CSMD1: variants seen among roughly 807,000 people sequenced by gnomAD.
CSMD1 encodes CUB and Sushi multiple domains 1.
CSMD1 carries 213 observed loss-of-function variants against 417.5 expected under a neutral mutation model. The ratio of observed to expected loss-of-function variants is 0.51; its 90% CI spans 0.46 to 0.57. The LOEUF (loss-of-function observed/expected upper bound fraction) is 0.57. CSMD1 is among the 20% of genes least tolerant of loss of function. The pLI, the probability that CSMD1 is intolerant of heterozygous loss-of-function variation, is 0.00. For missense variants in CSMD1, 6,923 were observed against 4,529.7 expected (o/e 1.53, Z -15.17); for synonymous variants, 2,862 against 1,736.8 (o/e 1.65, Z -16.11).
At chr8:4,104,810 T>A (rs1801486298) in intron 3 of CSMD1, among the ~76,000 whole-genome samples, 1 of 152,046 alleles carries the variant, frequency 6.6e-6, no homozygotes, top group Non-Finnish European at 1.5e-5. Flanking sequence ...TTACGAAGAG[T>A]GTCTTTAAAT....
chr8:4,252,764 A>C (rs1421877544), intron 3 of CSMD1, among the ~76,000 whole-genome samples: 4 of 152,222 alleles, frequency 2.6e-5, no homozygotes, highest in African/African-American at 4.8e-5. Context: ...CTGCAGTGGC[A>C]GACATACACC....
intron 3 of CSMD1, among the ~76,000 whole-genome samples, chr8:4,060,563 G>T (rs1270828748): frequency 2.0e-5 from 3 of 152,120 alleles, no homozygotes; most frequent in Non-Finnish European, 2.9e-5. Context: ...TTAACAGTGC[G>T]AATGAGTTCC....
At chr8:3,479,165 C>G (rs2117234467) in intron 11 of CSMD1, among the ~76,000 whole-genome samples, 1 of 152,262 alleles carries the variant, frequency 6.6e-6, no homozygotes, top group South Asian at 2.1e-4. Context: ...TCATTGGAAC[C>G]TCCTCCCCAG....
At chr8:4,406,670 C>G (rs1201427584) in intron 3 of CSMD1, among the ~76,000 whole-genome samples, 2 of 152,098 alleles carry the variant, frequency 1.3e-5, no homozygotes, top group Non-Finnish European at 2.9e-5. Flanking sequence ...CCTGGCCATG[C>G]CTTACACAAA....
At chr8:2,944,091 T>C (rs1005702608) in intron 68 of CSMD1, among the ~76,000 whole-genome samples, 4 of 152,176 alleles carry the variant, frequency 2.6e-5, no homozygotes, top group African/African-American at 9.7e-5. Flanking sequence ...TTTGGAGCAA[T>C]GTTGGCTTTT....
chr8:3,268,069 T>C (rs1801560891), intron 26 of CSMD1, among the ~76,000 whole-genome samples: 1 of 152,022 alleles, frequency 6.6e-6, no homozygotes, highest in African/African-American at 2.4e-5. Context: ...TTCCACAGCA[T>C]TGATCTCCAA....
chr8:4,310,787 G>C (rs17069869), intron 3 of CSMD1, among the ~76,000 whole-genome samples: 6,548 of 152,208 alleles, frequency 0.043, 195 homozygotes, highest in Non-Finnish European at 0.065. Flanking sequence ...CCTTACCAAA[G>C]GAAGAAATTC....
chr8:3,130,452 C>A (rs991575234), intron 41 of CSMD1, among the ~76,000 whole-genome samples: 4 of 152,118 alleles, frequency 2.6e-5, no homozygotes, highest in African/African-American at 4.8e-5. Flanking sequence ...CCCCCAACCC[C>A]CATCCACATA....
intron 3 of CSMD1, among the ~76,000 whole-genome samples, chr8:4,311,064 G>C (rs543045913): frequency 1.3e-5 from 2 of 152,272 alleles, no homozygotes; most frequent in East Asian, 1.9e-4. Context: ...GTGTAAATTA[G>C]TTCAACTACT....
intron 2 of CSMD1, among the ~76,000 whole-genome samples, chr8:4,455,712 C>A (rs900865429): frequency 1.3e-5 from 2 of 151,668 alleles, no homozygotes; most frequent in Non-Finnish European, 2.9e-5. Flanking sequence ...GGGTCGATCA[C>A]CTGAGGTCAG....
chr8:3,838,873 A>G (rs1236404863), intron 5 of CSMD1, among the ~76,000 whole-genome samples: 1 of 110,506 alleles, frequency 9.0e-6, no homozygotes, highest in East Asian at 2.3e-4. Flanking sequence ...TTAATTATAT[A>G]TAATATTAAT....
At chr8:3,684,977 G>C (rs1387881793) in intron 7 of CSMD1, among the ~76,000 whole-genome samples, 1 of 152,170 alleles carries the variant, frequency 6.6e-6, no homozygotes, top group African/African-American at 2.4e-5. Context: ...TGGTAGGAAA[G>C]TCAATACGGG....
chr8:3,620,372 A>T (rs1170089845), intron 7 of CSMD1, among the ~76,000 whole-genome samples: 3 of 152,104 alleles, frequency 2.0e-5, no homozygotes, highest in East Asian at 3.9e-4. Context: ...AATACATGAA[A>T]ATATATATAA....
chr8:4,767,122 G>C (rs1379519638), intron 1 of CSMD1, among the ~76,000 whole-genome samples: 1 of 152,018 alleles, frequency 6.6e-6, no homozygotes, highest in East Asian at 1.9e-4. Context: ...TTTGGATTTC[G>C]ACAAAGCGAT....
rs182427233 is a variant in CSMD1 at position 4,164,984 on chromosome 8, T to C, written c.416-132885A>G. 2.8e-3 allele frequency among the ~76,000 whole-genome samples: 422 copies of C among 152,304 alleles called. 4 individuals are homozygous for C. The highest frequency in any genetic ancestry group is 0.025 in the Admixed American group (379 of 15,298). ...TGAGCAGTAGGAATTTTTATAATTA[T>C]TGTAGAGTTTCCTATGTTCTTGTAT... is the stretch of plus-strand genomic sequence containing the variant. On this transcript the variant is annotated intron_variant, in intron 3 of 69. Coordinates refer to ENST00000635120, the MANE Select transcript of CSMD1 (RefSeq NM_033225.6).
intron 4 of CSMD1, among the ~76,000 whole-genome samples, chr8:3,998,372 G>A (rs993097677): frequency 6.6e-6 from 1 of 152,208 alleles, no homozygotes; most frequent in Admixed American, 6.5e-5. Flanking sequence ...CATGGAAAGT[G>A]TAGTTGCCAT....
rs1165895104 is a variant in CSMD1 at position 3,475,227 on chromosome 8, G to A, written c.1449-6403C>T. Among the ~76,000 whole-genome samples the A allele has an allele frequency of 2.6e-5, 4 of 152,192 alleles. No individual in the cohort carries two copies. The East Asian group carries it at 5.8e-4, about 22-fold the overall frequency. On this transcript the variant is annotated intron_variant, in intron 11 of 69. Transcript: ENST00000635120. Reference sequence around the variant, plus strand: ...TCTAGGTCATCACAGAATCCTTCACGCAATTCAGTTTCACAGAAAACTGCT... The same window carrying A: ...TCTAGGTCATCACAGAATCCTTCACACAATTCAGTTTCACAGAAAACTGCT...
At chr8:4,339,269 G>T (rs1800343700) in intron 3 of CSMD1, among the ~76,000 whole-genome samples, 1 of 152,116 alleles carries the variant, frequency 6.6e-6, no homozygotes, top group South Asian at 2.1e-4. Context: ...ACAAAAGTAG[G>T]AAGTTGATAA....
In CSMD1 at chr8:3,727,051, C is replaced by T. The variant is rs529765368; in HGVS notation, c.932-18560G>A. Among the ~76,000 whole-genome samples, 3 of 152,144 alleles carry T rather than the reference C, an allele frequency of 2.0e-5. No homozygotes were observed. The South Asian group carries it at 6.2e-4, about 32-fold the overall frequency. ...TCTCTTAGTTACTAATGGTAGCTAT[C>T]CTTTTTTCTCTCTATATAAAGATAA... On this transcript the variant is annotated intron_variant, in intron 6 of 69. Transcript: ENST00000635120.
Sources: allele counts gnomAD v4.1 joint callset (sites outside exome capture counted in the v4.1 genomes callset), GRCh38; gene constraint gnomAD v4.1.1; transcripts MANE v1.5; gene names NCBI Gene and HGNC (gene_info 2026-07-23, HGNC 2026-07-21).